Variants in SCGB2B2 observed in about 807,000 individuals in gnomAD.
SCGB2B2 encodes the protein secretoglobin-like protein.
SCGB2B2 carries 11 observed loss-of-function variants against 7.6 expected under a neutral mutation model. The ratio of observed to expected loss-of-function variants is 1.45; its 90% CI spans 0.91 to 2.40. The LOEUF (loss-of-function observed/expected upper bound fraction) is 2.40. Among genes scored for constraint, SCGB2B2 ranks in the 30% most tolerant of loss-of-function variants. SCGB2B2 has a pLI of 0.00. For missense variants in SCGB2B2, 104 were observed against 115.4 expected (o/e 0.90, Z 0.45); for synonymous variants, 50 against 48.6 (o/e 1.03, Z -0.12).
intron 1 of SCGB2B2, among the ~76,000 whole-genome samples, chr19:34,608,514 C>CT (rs1231068323): frequency 2.0e-5 from 3 of 151,112 alleles, no homozygotes; most frequent in Non-Finnish European, 4.4e-5. Context: ...ATGAGATGAA[C>CT]TTTTTTAGCT....
intron 1 of SCGB2B2, among the ~76,000 whole-genome samples, chr19:34,674,193 T>C (rs2067867625): frequency 6.6e-6 from 1 of 152,222 alleles, no homozygotes; most frequent in African/African-American, 2.4e-5. Context: ...AAAATCCCTA[T>C]GTAAGCTTTT....
intron 1 of SCGB2B2, among the ~76,000 whole-genome samples, chr19:34,617,344 A>G (rs1351811773): frequency 6.6e-6 from 1 of 151,012 alleles, no homozygotes; most frequent in African/African-American, 2.4e-5. Flanking sequence ...ATTTGTTTGT[A>G]TCCTCTTTTA....
chr19:34,598,507 G>A (rs533738345), intron 1 of SCGB2B2, among the ~76,000 whole-genome samples: 1 of 152,016 alleles, frequency 6.6e-6, no homozygotes, highest in Admixed American at 6.5e-5. Flanking sequence ...TGGGCATCCT[G>A]CAGAGGATTT....
chr19:34,672,312 A>G (rs1055608), intron 1 of SCGB2B2, among the ~76,000 whole-genome samples: 55,035 of 150,560 alleles, frequency 0.37, 10,302 homozygotes, highest in African/African-American at 0.44. Context: ...GTTTTTCTCT[A>G]TTGCTATTCT....
chr19:34,610,636 C>T (rs922273541), intron 1 of SCGB2B2, among the ~76,000 whole-genome samples: 1 of 152,114 alleles, frequency 6.6e-6, no homozygotes, highest in Admixed American at 6.6e-5. Context: ...TTTTCATTCA[C>T]AATCCTTGTA....
At chr19:34,618,446 C>T (rs2066150585) in intron 1 of SCGB2B2, among the ~76,000 whole-genome samples, 1 of 152,216 alleles carries the variant, frequency 6.6e-6, no homozygotes, top group African/African-American at 2.4e-5. Context: ...GTTTAACCTA[C>T]AGAGAAATTA....
chr19:34,672,517 T>A (rs1339246948), intron 1 of SCGB2B2, among the ~76,000 whole-genome samples: 1 of 152,234 alleles, frequency 6.6e-6, no homozygotes, highest in Non-Finnish European at 1.5e-5. Context: ...TGTAATAAGA[T>A]AGTGGCCTAG....
chr19:34,604,539 T>C (rs984575072), intron 1 of SCGB2B2, among the ~76,000 whole-genome samples: 5 of 152,236 alleles, frequency 3.3e-5, no homozygotes, highest in African/African-American at 1.2e-4. Context: ...TCAATGATTG[T>C]CATTTTAATC....
At chr19:34,605,116 C>A (rs1252887770) in intron 1 of SCGB2B2, among the ~76,000 whole-genome samples, 1 of 152,174 alleles carries the variant, frequency 6.6e-6, no homozygotes, top group Non-Finnish European at 1.5e-5. Context: ...ACTTCATGTA[C>A]ATGGAATCAT....
chr19:34,599,916 T>C (rs2065575200), intron 1 of SCGB2B2, among the ~76,000 whole-genome samples: 1 of 152,212 alleles, frequency 6.6e-6, no homozygotes, highest in Non-Finnish European at 1.5e-5. Flanking sequence ...ATGTAAAGTG[T>C]ATCTTAAGTG....
downstream of SCGB2B2, among the ~76,000 whole-genome samples, chr19:34,589,585 G>A (rs1300596929): frequency 6.6e-6 from 1 of 152,192 alleles, no homozygotes; most frequent in Non-Finnish European, 1.5e-5. Context: ...CAGAGTTGGA[G>A]GCTGCAGGGA....
chr19:34,588,928 G>A (rs1316459976), downstream of SCGB2B2, among the ~76,000 whole-genome samples: 1 of 152,066 alleles, frequency 6.6e-6, no homozygotes, highest in East Asian at 1.9e-4. Context: ...CCTGAGAGAT[G>A]GGGCCCAGCA....
At chr19:34,658,527 T>TA (rs2067347478) in intron 1 of SCGB2B2, among the ~76,000 whole-genome samples, 1 of 152,048 alleles carries the variant, frequency 6.6e-6, no homozygotes, top group Non-Finnish European at 1.5e-5. Flanking sequence ...CCTGGACACA[T>TA]ACGCTCTCCC....
intron 1 of SCGB2B2, among the ~76,000 whole-genome samples, chr19:34,653,647 T>G (rs1555748855): frequency 6.6e-6 from 1 of 150,930 alleles, no homozygotes; most frequent in Non-Finnish European, 1.5e-5. Flanking sequence ...ATCCCTGAAA[T>G]AAAAGAATAG....
intron 1 of SCGB2B2, among the ~76,000 whole-genome samples, chr19:34,610,907 C>T (rs2065909910): frequency 6.6e-6 from 1 of 151,836 alleles, no homozygotes; most frequent in African/African-American, 2.4e-5. Context: ...ATCAGTTCTA[C>T]TTAAATATTT....
Position 34,594,527 on chromosome 19 carries a change from C to G in SCGB2B2, c.37G>C (p.Ala13Pro), listed in dbSNP as rs748373076. ...VTSATCALLL[A>P]LICSVQLGDA... ...CCCAGCTGGACGCTGCAGATCAGAG[C>G]CAGCAGAAGAGCACAGGTGGCGGAT... Residue 13 changes from alanine (A) to proline (P), a missense_variant, in exon 2 of 4, where the codon GCT becomes CCT. Ala to Pro is a conservative substitution (Grantham distance 27). Coordinates refer to ENST00000601241, the MANE Select transcript of SCGB2B2 (RefSeq NM_001025591.4). 6.2e-6 allele frequency: 10 copies of G among 1,613,436 alleles called. No homozygotes were observed. In the African/African-American group the frequency reaches 1.1e-4, roughly 17 times the overall value.
intron 1 of SCGB2B2, among the ~76,000 whole-genome samples, chr19:34,639,078 T>C (rs889347187): frequency 1.3e-4 from 20 of 152,168 alleles, no homozygotes; most frequent in Non-Finnish European, 2.8e-4. Flanking sequence ...TTACTTTTTT[T>C]CCCCTAATTT....
downstream of SCGB2B2, among the ~76,000 whole-genome samples, chr19:34,586,502 T>A (rs557347102): frequency 5.3e-5 from 8 of 152,356 alleles, no homozygotes; most frequent in Admixed American, 2.0e-4. Context: ...ATTTGCTTCA[T>A]GTAAATTCAA....
intron 1 of SCGB2B2, among the ~76,000 whole-genome samples, chr19:34,632,313 G>A (rs2066556407): frequency 6.6e-6 from 1 of 152,154 alleles, no homozygotes; most frequent in Admixed American, 6.5e-5. Flanking sequence ...CTGTTAAGAT[G>A]AAGGTAAAAA....
Sources: gnomAD v4.1 joint callset for allele counts (sites outside exome capture counted in the v4.1 genomes callset) on GRCh38, gnomAD v4.1.1 for gene constraint, MANE v1.5 for transcripts, NCBI Gene and HGNC (gene_info 2026-07-23, HGNC 2026-07-21) for gene names.